Variants in GASK1B observed in about 807,000 individuals in gnomAD.
GASK1B encodes the protein golgi associated kinase 1B, also known as Golgi-associated kinase 1B.
In GASK1B, 34 loss-of-function variants were observed where a neutral mutation model predicts 42.8. The observed-to-expected ratio is 0.79, with a 90% CI of 0.60 to 1.06. The LOEUF (loss-of-function observed/expected upper bound fraction) is 1.06, where lower values mean the gene tolerates loss of function less well. Among genes scored for constraint, GASK1B ranks in the 50% least tolerant of loss-of-function variants. The pLI, the probability that GASK1B is intolerant of heterozygous loss-of-function variation, is 0.00. For synonymous variants in GASK1B, 262 were observed against 259.1 expected (o/e 1.01, Z -0.11); for missense variants, 686 against 661.0 (o/e 1.04, Z -0.42).
At chr4:158,131,070 T>C in intron 3 of GASK1B, 58 bp from the exon 4 acceptor site, 2 of 1,446,748 alleles carry the variant, frequency 1.4e-6, no homozygotes, top group South Asian at 1.2e-5. Flanking sequence ...TTGGGAAAGT[T>C]ACAAGATTTT....
intron 4 of GASK1B, among the ~76,000 whole-genome samples, chr4:158,128,828 G>T (rs905887357): frequency 1.3e-5 from 2 of 152,188 alleles, no homozygotes; most frequent in African/African-American, 4.8e-5. Flanking sequence ...GTTCCCTGAA[G>T]ACATTACTAT....
chr4:158,170,643 G>T lies in GASK1B; in HGVS notation c.733C>A (p.Arg245Ser). The T allele has an allele frequency of 1.2e-6, 2 of 1,613,902 alleles. No individual in the cohort carries two copies. The highest frequency in any genetic ancestry group is 1.7e-5 in the Admixed American group (1 of 60,034). Residue 245 changes from arginine to serine, a missense_variant, in exon 2 of 5, where the codon CGT becomes AGT. Transcript: ENST00000585682. ...GCGCCCCCCTCCAGCACCAGCAAACGGGCTCCGCTCCTAGAGGACACAGGC... is the reference window on the plus strand; with the variant it reads ...GCGCCCCCCTCCAGCACCAGCAAACTGGCTCCGCTCCTAGAGGACACAGGC... ...LRPVSSRSGARLLVLEGGAPG... is the reference protein window; with the variant it reads ...LRPVSSRSGASLLVLEGGAPG...
At chr4:158,138,813 T>G (rs939869970) in intron 3 of GASK1B, among the ~76,000 whole-genome samples, 1 of 152,076 alleles carries the variant, frequency 6.6e-6, no homozygotes, top group African/African-American at 2.4e-5. Flanking sequence ...TTTGAAAAAA[T>G]AAATTAATTT....
At chr4:158,151,069 C>G (rs1486164129) in intron 3 of GASK1B, among the ~76,000 whole-genome samples, 1 of 152,148 alleles carries the variant, frequency 6.6e-6, no homozygotes, top group Non-Finnish European at 1.5e-5. Flanking sequence ...TAAATTTCCA[C>G]AAGATACTAG....
intron 3 of GASK1B, among the ~76,000 whole-genome samples, chr4:158,144,530 T>C (rs1248647460): frequency 6.6e-6 from 1 of 152,214 alleles, no homozygotes; most frequent in African/African-American, 2.4e-5. Flanking sequence ...CCTAGCATCA[T>C]ACATTCCCAT....
intron 3 of GASK1B, among the ~76,000 whole-genome samples, chr4:158,155,211 T>C (rs926433246): frequency 6.6e-5 from 10 of 152,074 alleles, no homozygotes. Flanking sequence ...TGGCAGACAG[T>C]GGGCCCTGAA....
chr4:158,154,772 C>T (rs1341185783), intron 3 of GASK1B, among the ~76,000 whole-genome samples: 1 of 152,088 alleles, frequency 6.6e-6, no homozygotes, highest in Non-Finnish European at 1.5e-5. Flanking sequence ...AACCAAACAT[C>T]GTATGTTCTC....
intron 3 of GASK1B, among the ~76,000 whole-genome samples, chr4:158,133,500 A>G (rs1336372426): frequency 2.0e-5 from 3 of 152,192 alleles, no homozygotes; most frequent in Non-Finnish European, 4.4e-5. Flanking sequence ...CTGTTTCTAT[A>G]ACAAAACCAT....
chr4:158,127,268 A>T lies in GASK1B; in HGVS notation c.*139T>A, dbSNP rs150200552. On this transcript the variant is annotated 3_prime_UTR_variant, in exon 5 of 5. Coordinates refer to ENST00000585682, the MANE Select transcript of GASK1B (RefSeq NM_001128424.2). Reference sequence around the variant, plus strand: ...TACAGTGCTAAGTCCCATTATAGCTACTTGGTTAAAGTCATTTATTTTACG... The same window carrying T: ...TACAGTGCTAAGTCCCATTATAGCTTCTTGGTTAAAGTCATTTATTTTACG... The T allele has an allele frequency of 4.5e-4, 313 of 689,734 alleles. No homozygotes were observed. In the East Asian group the frequency reaches 7.8e-3, roughly 17 times the overall value. The allele number at this position is 689,734 out of a possible 1,614,324, so 42.7% of individuals were successfully genotyped here.
intron 3 of GASK1B, among the ~76,000 whole-genome samples, chr4:158,133,265 T>C (rs1221819883): frequency 6.6e-6 from 1 of 152,238 alleles, no homozygotes; most frequent in Non-Finnish European, 1.5e-5. Context: ...TTTATCATCA[T>C]TGTTTTATCT....
chr4:158,153,572 A>T (rs968226018), intron 3 of GASK1B, among the ~76,000 whole-genome samples: 2 of 152,166 alleles, frequency 1.3e-5, no homozygotes, highest in Non-Finnish European at 2.9e-5. Context: ...AAAAGAACAA[A>T]TCTGGAGCCA....
At chr4:158,167,487 C>T (rs542208363) in intron 2 of GASK1B, among the ~76,000 whole-genome samples, 6 of 152,252 alleles carry the variant, frequency 3.9e-5, no homozygotes, top group East Asian at 3.9e-4. Context: ...TGTTATTACA[C>T]GTCCTAAGTA....
chr4:158,134,613 T>C (rs4691458), intron 3 of GASK1B, among the ~76,000 whole-genome samples: 135,141 of 152,206 alleles, frequency 0.89, 61,031 homozygotes, highest in East Asian at 0.98. Context: ...GAAAATACAT[T>C]TTTTCAATGT....
intron 4 of GASK1B, 62 bp downstream of exon 4, chr4:158,130,724 C>T: frequency 7.8e-7 from 1 of 1,275,362 alleles, no homozygotes; most frequent in Non-Finnish European, 1.1e-6. Flanking sequence ...TGAGTTTTCT[C>T]AGAACCTTGC....
chr4:158,146,233 G>A (rs1264364126), intron 3 of GASK1B, among the ~76,000 whole-genome samples: 3 of 151,808 alleles, frequency 2.0e-5, no homozygotes, highest in African/African-American at 4.8e-5. Flanking sequence ...AGTTGAAAAA[G>A]ACAGGGACTT....
rs1008410203 is a variant in GASK1B, at chr4:158,130,776, T to C, written c.1352+10A>G. On this transcript the variant is annotated intron_variant, in intron 4 of 4. Transcript: ENST00000585682. ...ATGTGATGTCCTGCAGATGTTACTATAAAACTTACTCTTTGATGCCTTCTA... is the reference window on the plus strand; with the variant it reads ...ATGTGATGTCCTGCAGATGTTACTACAAAACTTACTCTTTGATGCCTTCTA... 9 of 1,601,480 alleles carry C rather than the reference T, an allele frequency of 5.6e-6. No individual in the cohort carries two copies. In the African/African-American group the frequency reaches 6.7e-5, roughly 12 times the overall value.
chr4:158,166,648 G>T, intron 2 of GASK1B, among the ~76,000 whole-genome samples: 1 of 152,132 alleles, frequency 6.6e-6, no homozygotes, highest in Non-Finnish European at 1.5e-5. Flanking sequence ...ACAGTACTTA[G>T]AATGGTACCT....
intron 2 of GASK1B, among the ~76,000 whole-genome samples, chr4:158,162,541 A>T (rs191675355): frequency 6.6e-6 from 1 of 152,290 alleles, no homozygotes; most frequent in Non-Finnish European, 1.5e-5. Context: ...TCTTCACTCA[A>T]TACGAATTGG....
chr4:158,165,790 T>C (rs781690810), intron 2 of GASK1B, among the ~76,000 whole-genome samples: 1 of 152,154 alleles, frequency 6.6e-6, no homozygotes, highest in Non-Finnish European at 1.5e-5. Context: ...ATTTCATTGC[T>C]CTCTAGGTAG....
Sources: allele counts gnomAD v4.1 joint callset (sites outside exome capture counted in the v4.1 genomes callset), GRCh38; gene constraint gnomAD v4.1.1; transcripts MANE v1.5; gene names NCBI Gene and HGNC (gene_info 2026-07-23, HGNC 2026-07-21).